The following PDE1A variants were observed in gnomAD, a reference collection of about 807,000 sequenced individuals.
PDE1A encodes the protein phosphodiesterase 1A.
PDE1A carries 35 observed loss-of-function variants against 61.7 expected under a neutral mutation model. The observed-to-expected ratio is 0.57, with a 90% CI of 0.43 to 0.75. The LOEUF (loss-of-function observed/expected upper bound fraction) is 0.75, where lower values mean the gene tolerates loss of function less well. Among genes scored for constraint, PDE1A ranks in the 30% least tolerant of loss-of-function variants. The pLI is 0.00. For missense variants in PDE1A, 597 were observed against 630.6 expected (o/e 0.95, Z 0.57); for synonymous variants, 232 against 213.2 (o/e 1.09, Z -0.77).
chr2:182,601,531 T>C, the PDE1A span, among the ~76,000 whole-genome samples: 2 of 152,222 alleles, frequency 1.3e-5, no homozygotes, highest in Non-Finnish European at 2.9e-5. Flanking sequence ...AGACTTGCCA[T>C]TTGGTGGGCC....
chr2:182,640,102 C>G, the PDE1A span, among the ~76,000 whole-genome samples: 1 of 152,220 alleles, frequency 6.6e-6, no homozygotes, highest in African/African-American at 2.4e-5. Context: ...AAAGCAATAC[C>G]TACAGGGTTC....
chr2:182,651,807 C>T, the PDE1A span, among the ~76,000 whole-genome samples: 24,080 of 152,150 alleles, frequency 0.16, 2,563 homozygotes, highest in African/African-American at 0.3. Flanking sequence ...GAAATGTCTT[C>T]GCCCCACTTA....
chr2:182,418,022 AT>A lies in PDE1A; in HGVS notation c.53+8555del. 3.9e-5 allele frequency among the ~76,000 whole-genome samples: 6 copies of A among 152,324 alleles called. No individual in the cohort carries two copies. The Middle Eastern group carries it at 0.017, about 432-fold the overall frequency. On this transcript the variant is annotated intron_variant, in intron 1 of 13. Coordinates refer to ENST00000351439, the Ensembl canonical transcript of PDE1A. The stretch of plus-strand genomic sequence containing the variant: ...AAATAGAAAACGTTATCATAAATCT[AT>A]CCCATAAAAAAATTTTAAGATAATA...
rs58062896 is a variant in PDE1A at position 182,262,222 on chromosome 2, T to C, written c.167+2079A>G. Among the ~76,000 whole-genome samples the C allele has an allele frequency of 7.4e-3, 562 of 76,228 alleles. 3 individuals carry two copies. Among genetic ancestry groups the C allele is most frequent in the African/African-American group, 0.044 (527 of 11,942 alleles). 50.0% of individuals were successfully genotyped at this position (76,228 alleles called of 152,430 possible). On this transcript the variant is annotated intron_variant, in intron 2 of 13. Transcript: ENST00000351439. ...TTTCTCTTTCCTTCTTTCTTTCTTT[T>C]TCTTTCTCTCTTTCTTTCTTCTTTT...
At chr2:182,228,973 G>A (rs1689352572) in intron 6 of PDE1A, among the ~76,000 whole-genome samples, 1 of 152,102 alleles carries the variant, frequency 6.6e-6, no homozygotes, top group Admixed American at 6.6e-5. Flanking sequence ...ATGCGAGGCT[G>A]GGCCAAATTC....
chr2:182,555,167 G>A, the PDE1A span, among the ~76,000 whole-genome samples: 1 of 152,166 alleles, frequency 6.6e-6, no homozygotes, highest in Admixed American at 6.5e-5. Context: ...AGAGCTTTCT[G>A]TTGACAGAGG....
the PDE1A span, among the ~76,000 whole-genome samples, chr2:182,555,342 T>C: frequency 1.3e-5 from 2 of 152,202 alleles, no homozygotes; most frequent in East Asian, 1.9e-4. Context: ...AGAAGTAAGA[T>C]AACAGAATCA....
intron 1 of PDE1A, among the ~76,000 whole-genome samples, chr2:182,304,610 T>A (rs1465626841): frequency 1.3e-5 from 2 of 152,106 alleles, no homozygotes; most frequent in Non-Finnish European, 1.5e-5. Context: ...CAGTTAGAGG[T>A]CATTCTAAGG....
At chr2:182,560,703 C>T in the PDE1A span, among the ~76,000 whole-genome samples, 2 of 152,250 alleles carry the variant, frequency 1.3e-5, no homozygotes, top group Middle Eastern at 3.4e-3. Flanking sequence ...GTTCCTATTT[C>T]TCCACATCCT....
the PDE1A span, among the ~76,000 whole-genome samples, chr2:182,531,875 G>A: frequency 6.6e-6 from 1 of 151,980 alleles, no homozygotes; most frequent in East Asian, 1.9e-4. Flanking sequence ...TACAGGCCCC[G>A]GTGTGTAATG....
intron 10 of PDE1A, among the ~76,000 whole-genome samples, chr2:182,197,813 T>C (rs1017461106): frequency 2.0e-5 from 3 of 151,946 alleles, no homozygotes; most frequent in Non-Finnish European, 4.4e-5. Context: ...TGTAGCTTTA[T>C]ACTAACTCAC....
the PDE1A span, among the ~76,000 whole-genome samples, chr2:182,673,621 T>C: frequency 1.3e-5 from 2 of 152,066 alleles, no homozygotes; most frequent in East Asian, 1.9e-4. Flanking sequence ...TTTAGTATAT[T>C]GTAATCTAAT....
exon 1 of PDE1A, chr2:182,426,626 T>A: frequency 6.2e-7 from 1 of 1,612,514 alleles, no homozygotes; most frequent in Non-Finnish European, 8.5e-7. Context: ...GACATGGTCA[T>A]CCATTTAAAG....
chr2:182,276,862 T>C (rs1693452367), intron 1 of PDE1A, among the ~76,000 whole-genome samples: 1 of 151,966 alleles, frequency 6.6e-6, no homozygotes, highest in Non-Finnish European at 1.5e-5. Flanking sequence ...AGTGTCTGTC[T>C]TATGTGGTTG....
chr2:182,170,638 A>C (rs895824497), intron 13 of PDE1A, among the ~76,000 whole-genome samples: 1 of 152,008 alleles, frequency 6.6e-6, no homozygotes, highest in African/African-American at 2.4e-5. Context: ...GATGCTGGAG[A>C]CTTACTTCGC....
chr2:182,265,224 C>T lies in PDE1A; in HGVS notation c.54-810G>A, dbSNP rs763048880. On this transcript the variant is annotated intron_variant, in intron 1 of 13. Coordinates refer to ENST00000351439, the Ensembl canonical transcript of PDE1A. ...CCACTAAAGAACTTATCCACGTAAC[C>T]AGAAACCACCTGTACCCCCCAAAAA... Among the ~76,000 whole-genome samples, 72 of 151,358 alleles carry T rather than the reference C, an allele frequency of 4.8e-4. 1 individual carries two copies. The highest frequency in any genetic ancestry group is 2.4e-3 in the Admixed American group (36 of 15,156).
chr2:182,575,837 CAG>C, the PDE1A span, among the ~76,000 whole-genome samples: 1 of 145,878 alleles, frequency 6.9e-6, no homozygotes, highest in African/African-American at 2.5e-5. Context: ...CCTCATCTTG[CAG>C]AGAGCCTATT....
At chr2:182,688,030 A>G in the PDE1A span, among the ~76,000 whole-genome samples, 5 of 152,230 alleles carry the variant, frequency 3.3e-5, no homozygotes, top group African/African-American at 1.2e-4. Context: ...GGACTATGTG[A>G]AAAGACCAAA....
the PDE1A span, among the ~76,000 whole-genome samples, chr2:182,673,919 G>A: frequency 1.4e-5 from 2 of 147,552 alleles, no homozygotes; most frequent in African/African-American, 2.5e-5. Flanking sequence ...ATAAAACTAG[G>A]GAGAACTTAC....
Sources: gnomAD v4.1 joint callset for allele counts (sites outside exome capture counted in the v4.1 genomes callset) on GRCh38, gnomAD v4.1.1 for gene constraint, MANE v1.5 for transcripts, NCBI Gene and HGNC (gene_info 2026-07-23, HGNC 2026-07-21) for gene names.